The following CELF2 variants were observed in gnomAD, a reference collection of about 807,000 sequenced individuals.
The protein encoded by CELF2 is CUG triplet repeat RNA-binding protein 2.
Under a neutral mutation model 62.6 loss-of-function variants are expected in CELF2, and 8 were observed. That is an observed-to-expected ratio of 0.13 (90% confidence interval 0.07 to 0.23). The LOEUF is 0.23. Among genes scored for constraint, CELF2 ranks in the 10% least tolerant of loss-of-function variants. The pLI is 1.00. For missense variants in CELF2, 333 were observed against 671.0 expected (o/e 0.50, Z 5.56); for synonymous variants, 258 against 250.0 (o/e 1.03, Z -0.30).
At chr10:10,748,920 T>C in the CELF2 span, among the ~76,000 whole-genome samples, 30 of 151,986 alleles carry the variant, frequency 2.0e-4, no homozygotes, top group African/African-American at 6.8e-4. Flanking sequence ...AAGGAAGCAA[T>C]AGGGTTTGCT....
chr10:10,730,139 A>AT, the CELF2 span, among the ~76,000 whole-genome samples: 24 of 151,540 alleles, frequency 1.6e-4, no homozygotes, highest in East Asian at 5.8e-4. Flanking sequence ...AAATCCTCTA[A>AT]TTTTTTTTTC....
At chr10:11,064,687 A>G (rs906496027) in intron 1 of CELF2, among the ~76,000 whole-genome samples, 1 of 152,080 alleles carries the variant, frequency 6.6e-6, no homozygotes, top group Admixed American at 6.5e-5. Context: ...CCCCCCAAAT[A>G]TGATTTAAAA....
the CELF2 span, among the ~76,000 whole-genome samples, chr10:10,529,278 G>A: frequency 3.3e-5 from 5 of 152,160 alleles, no homozygotes; most frequent in African/African-American, 1.2e-4. Flanking sequence ...AAACTCTTAA[G>A]CAGCTGTCAT....
the CELF2 span, among the ~76,000 whole-genome samples, chr10:10,668,894 G>A: frequency 1.3e-5 from 2 of 152,088 alleles, no homozygotes; most frequent in African/African-American, 4.8e-5. Flanking sequence ...GGAGACAGAG[G>A]CTGCGATGAG....
Position 11,175,634 on chromosome 10 carries a change from C to T in CELF2, c.271+9952C>T, listed in dbSNP as rs889075306. Among the ~76,000 whole-genome samples, 13 of 152,154 alleles carry T rather than the reference C, an allele frequency of 8.5e-5. 1 individual carries two copies. The highest frequency in any genetic ancestry group is 1.9e-4 in the Non-Finnish European group (13 of 68,036). Reference sequence around the variant, plus strand: ...CCAGCAGTCCCCAGGAGGGGGCCTCCGGTCAGCTCTCACATAGGCTTAATG... The same window carrying T: ...CCAGCAGTCCCCAGGAGGGGGCCTCTGGTCAGCTCTCACATAGGCTTAATG... On this transcript the variant is annotated intron_variant, in intron 2 of 12. Coordinates refer to ENST00000633077, the MANE Select transcript of CELF2 (RefSeq NM_001326342.2).
At chr10:10,658,123 G>C in the CELF2 span, among the ~76,000 whole-genome samples, 3,048 of 152,160 alleles carry the variant, frequency 0.02, 198 homozygotes, top group Admixed American at 0.13. Flanking sequence ...GTTGAGAATG[G>C]TTACTTAAAA....
chr10:10,926,859 A>C lies in CELF2; in HGVS notation c.89+6860A>C, dbSNP rs183603522. ...TTTTCTTCTTCTTCTCCATCTGGGT[A>C]AATCCAGTGGCCATTTAGCTGTGAT... On this transcript the variant is annotated intron_variant, in intron 2 of 13. Transcript: ENST00000636488. Among the ~76,000 whole-genome samples the C allele has an allele frequency of 1.7e-3, 258 of 152,282 alleles. 2 individuals are homozygous for C. The highest frequency in any genetic ancestry group is 5.9e-3 in the African/African-American group (247 of 41,556).
chr10:10,540,418 G>C, the CELF2 span, among the ~76,000 whole-genome samples: 75 of 152,262 alleles, frequency 4.9e-4, no homozygotes, highest in African/African-American at 1.7e-3. Flanking sequence ...TATTGCAACA[G>C]TCATCAAGAA....
At chr10:11,292,849 C>T (rs545349479) in intron 9 of CELF2, among the ~76,000 whole-genome samples, 50 of 152,348 alleles carry the variant, frequency 3.3e-4, no homozygotes, top group Non-Finnish European at 5.3e-4. Context: ...GGCTCAGCTG[C>T]GTGCCTCATC....
the CELF2 span, among the ~76,000 whole-genome samples, chr10:10,564,300 A>C: frequency 6.6e-6 from 1 of 152,202 alleles, no homozygotes; most frequent in Admixed American, 6.5e-5. Flanking sequence ...TCAGAAATGC[A>C]TCAGCAGAAA....
intron 1 of CELF2, among the ~76,000 whole-genome samples, chr10:11,092,980 G>A (rs1046483841): frequency 7.9e-5 from 12 of 152,136 alleles, no homozygotes; most frequent in African/African-American, 1.9e-4. Context: ...CTTTCCTGGC[G>A]TTTCAGATGC....
intron 1 of CELF2, among the ~76,000 whole-genome samples, chr10:10,847,461 T>C (rs2059089063): frequency 6.6e-6 from 1 of 152,184 alleles, no homozygotes. Flanking sequence ...GCGATACACA[T>C]GCAGGAAGAA....
chr10:11,195,130 A>G (rs908062808), intron 2 of CELF2, among the ~76,000 whole-genome samples: 4 of 152,216 alleles, frequency 2.6e-5, no homozygotes, highest in African/African-American at 9.7e-5. Context: ...TCGACCATGA[A>G]CTTAAACTCC....
intron 1 of CELF2, among the ~76,000 whole-genome samples, chr10:11,031,057 C>T (rs1347595016): frequency 6.6e-6 from 1 of 152,120 alleles, no homozygotes; most frequent in Admixed American, 6.5e-5. Context: ...GGCATTTTCC[C>T]CCATTAACTT....
chr10:10,578,927 G>T, the CELF2 span, among the ~76,000 whole-genome samples: 1 of 152,132 alleles, frequency 6.6e-6, no homozygotes, highest in Admixed American at 6.5e-5. Context: ...TAGCTGCTTA[G>T]CTCATGCATG....
Position 11,267,622 on chromosome 10 carries a change from A to C in CELF2, c.618+945A>C, listed in dbSNP as rs375608269. ...TTTTCAATTTTATTTAATATGCAAA[A>C]AACTTTTTTCTTGATTGAGCTTCTG... On this transcript the variant is annotated intron_variant, in intron 6 of 12. Coordinates refer to ENST00000633077, the MANE Select transcript of CELF2 (RefSeq NM_001326342.2). This position sits in a 1 kb window ranked among gnomAD's most constrained non-coding sequence, Gnocchi z 4.4. 1.0e-3 allele frequency among the ~76,000 whole-genome samples: 159 copies of C among 152,342 alleles called. 1 individual carries two copies. The highest frequency in any genetic ancestry group is 3.7e-3 in the African/African-American group (155 of 41,570).
chr10:11,062,310 T>A (rs574525044), intron 1 of CELF2, among the ~76,000 whole-genome samples: 1 of 152,352 alleles, frequency 6.6e-6, no homozygotes, highest in East Asian at 1.9e-4. Flanking sequence ...AGTTCCACAT[T>A]GAGGTCTTAT....
the CELF2 span, among the ~76,000 whole-genome samples, chr10:10,473,536 C>T: frequency 1.9e-4 from 29 of 151,956 alleles, no homozygotes; most frequent in Non-Finnish European, 2.9e-4. Flanking sequence ...TTTGTAAAGA[C>T]AGTCACGCCT....
At chr10:10,827,556 A>G (rs947097855) in intron 1 of CELF2, among the ~76,000 whole-genome samples, 5 of 152,204 alleles carry the variant, frequency 3.3e-5, no homozygotes, top group African/African-American at 1.2e-4. Flanking sequence ...CTAGCTACCA[A>G]GGATGACCTA....
Sources: allele counts gnomAD v4.1 joint callset (sites outside exome capture counted in the v4.1 genomes callset), GRCh38; gene constraint gnomAD v4.1.1; non-coding constraint Gnocchi (gnomAD v3.1); transcripts MANE v1.5; gene names NCBI Gene and HGNC (gene_info 2026-07-23, HGNC 2026-07-21).